The following ODF2 variants were observed in gnomAD, a reference collection of about 807,000 sequenced individuals.
ODF2 encodes outer dense fiber of sperm tails 2.
ODF2 carries 47 observed loss-of-function variants against 110.2 expected under a neutral mutation model. The observed-to-expected ratio is 0.43, with a 90% CI of 0.34 to 0.54. The LOEUF (loss-of-function observed/expected upper bound fraction) is 0.54. ODF2 is among the 20% of genes least tolerant of loss of function. ODF2 has a pLI of 0.03. For missense variants in ODF2, 812 were observed against 1,054.5 expected (o/e 0.77, Z 3.19); for synonymous variants, 352 against 397.7 (o/e 0.89, Z 1.37).
chr9:128,481,509 G>C (rs934263655), intron 8 of ODF2, 71 bp from the exon 9 acceptor site: 275 of 1,162,664 alleles, frequency 2.4e-4, no homozygotes, highest in Non-Finnish European at 3.3e-4. Flanking sequence ...AAAAGGTAAA[G>C]AATCAATAAA....
chr9:128,455,912 C>A, upstream of ODF2: 1 of 1,355,312 alleles, frequency 7.4e-7, no homozygotes, highest in Non-Finnish European at 9.6e-7. Flanking sequence ...GCGGGAAAGG[C>A]CTTGAATGGG....
exon 6 of ODF2, chr9:128,471,341 A>G (rs1431840682): frequency 6.2e-7 from 1 of 1,611,842 alleles, no homozygotes; most frequent in African/African-American, 1.3e-5. Flanking sequence ...CCAGATGGCC[A>G]AAAGGTTCCT....
At chr9:128,486,932 C>G (rs1843475628) in intron 13 of ODF2, among the ~76,000 whole-genome samples, 1 of 152,186 alleles carries the variant, frequency 6.6e-6, no homozygotes. Context: ...CCAGAAGCGT[C>G]TGTCCTAACA....
At chr9:128,471,227 G>C (rs1405981977) in intron 5 of ODF2, 81 bp from the exon 6 acceptor site, 4 of 1,409,754 alleles carry the variant, frequency 2.8e-6, no homozygotes, top group Non-Finnish European at 3.8e-6. Context: ...GCCTTATTTT[G>C]GTCCAAAGCA....
At chr9:128,500,302 C>G in exon 21 of ODF2, 1 of 1,593,752 alleles carries the variant, frequency 6.3e-7, no homozygotes, top group Non-Finnish European at 8.6e-7. Flanking sequence ...ATAGGAACTC[C>G]AGAGTTGCCA....
chr9:128,471,164 T>G, intron 5 of ODF2, 144 bp from the exon 6 acceptor site: 1 of 708,460 alleles, frequency 1.4e-6, no homozygotes, highest in East Asian at 3.1e-5. Context: ...CCTACCCACC[T>G]TGGCCTCCCA....
chr9:128,460,323 G>A, intron 3 of ODF2: 2 of 1,425,504 alleles, frequency 1.4e-6, no homozygotes, highest in Non-Finnish European at 1.9e-6. Flanking sequence ...ACCCTCTCTT[G>A]AGTGGACCAG....
intron 8 of ODF2, among the ~76,000 whole-genome samples, chr9:128,477,762 C>G (rs895625064): frequency 6.6e-6 from 1 of 151,576 alleles, no homozygotes; most frequent in Non-Finnish European, 1.5e-5. Flanking sequence ...CCACTCCCGG[C>G]TAATTTTTGT....
chr9:128,496,412 TC>T, intron 18 of ODF2: 1 of 1,181,958 alleles, frequency 8.5e-7, no homozygotes, highest in Non-Finnish European at 1.1e-6. Context: ...GCATGCCTGG[TC>T]CAGGCCTGCC....
intron 10 of ODF2, 99 bp downstream of exon 10, chr9:128,482,986 C>T (rs1842706071): frequency 2.2e-6 from 2 of 912,234 alleles, no homozygotes; most frequent in African/African-American, 1.7e-5. Context: ...ACCTCTGCCT[C>T]CCGGATTTGA....
intron 4 of ODF2, among the ~76,000 whole-genome samples, chr9:128,463,367 C>G (rs528492901): frequency 6.6e-6 from 1 of 152,194 alleles, no homozygotes; most frequent in South Asian, 2.1e-4. Context: ...ACCTGTGATC[C>G]CAGCACTTTG....
chr9:128,460,873 G>A, intron 3 of ODF2, 69 bp from the exon 4 acceptor site: 3 of 1,601,842 alleles, frequency 1.9e-6, no homozygotes, highest in Middle Eastern at 1.7e-4. Flanking sequence ...AGTCGGAGAG[G>A]GATGTCACTA....
intron 11 of ODF2, 74 bp downstream of exon 11, chr9:128,484,128 A>G (rs1842937912): frequency 1.9e-6 from 2 of 1,065,040 alleles, no homozygotes; most frequent in Admixed American, 3.5e-5. Flanking sequence ...CCTGGCCCAG[A>G]TATCACACTC....
intron 4 of ODF2, among the ~76,000 whole-genome samples, chr9:128,462,275 T>C (rs1174095311): frequency 3.3e-5 from 5 of 151,492 alleles, no homozygotes; most frequent in Non-Finnish European, 5.9e-5. Context: ...CTCAGCCTGC[T>C]GAGTAGCTAG....
chr9:128,473,211 G>A, intron 7 of ODF2, 169 bp downstream of exon 7: 1 of 985,250 alleles, frequency 1.0e-6, no homozygotes, highest in Non-Finnish European at 1.2e-6. Context: ...CCCAATCCTT[G>A]ACCCTTGAAG....
chr9:128,469,094 G>A (rs187943037), intron 4 of ODF2, 89 bp from the exon 5 acceptor site: 80 of 1,313,410 alleles, frequency 6.1e-5, no homozygotes, highest in South Asian at 3.5e-4. Context: ...AGCTTTTCCC[G>A]TCTAATCAGT....
chr9:128,456,040 T>G, upstream of ODF2: 1 of 1,476,898 alleles, frequency 6.8e-7, no homozygotes, highest in Non-Finnish European at 9.0e-7. Context: ...CGCTAGGGGC[T>G]GGGCCTCGAT....
chr9:128,499,284 G>T (rs933706093), intron 20 of ODF2, among the ~76,000 whole-genome samples, 158 bp downstream of exon 20: 2 of 152,158 alleles, frequency 1.3e-5, no homozygotes, highest in Admixed American at 1.3e-4. Flanking sequence ...ATCCTGGGTA[G>T]ATATTTATTT....
chr9:128,473,406 C>A (rs377024349), intron 7 of ODF2: 1 of 642,540 alleles, frequency 1.6e-6, no homozygotes, highest in Non-Finnish European at 1.9e-6. Flanking sequence ...ACCCCTTTCT[C>A]CACCTTTGCT....
Sources: gnomAD v4.1 joint callset for allele counts (sites outside exome capture counted in the v4.1 genomes callset) on GRCh38, gnomAD v4.1.1 for gene constraint, MANE v1.5 for transcripts, NCBI Gene and HGNC (gene_info 2026-07-23, HGNC 2026-07-21) for gene names.